SLC9A9: variants seen among roughly 807,000 people sequenced by gnomAD.
SLC9A9 encodes sodium/hydrogen exchanger 9.
Under a neutral mutation model 77.8 loss-of-function variants are expected in SLC9A9, and 62 were observed. The ratio of observed to expected loss-of-function variants is 0.80; its 90% CI spans 0.65 to 0.98. The LOEUF (loss-of-function observed/expected upper bound fraction) is 0.98, where lower values mean the gene tolerates loss of function less well. SLC9A9 is among the 50% of genes least tolerant of loss of function. SLC9A9 has a pLI of 0.00. For missense variants in SLC9A9, 775 were observed against 774.9 expected (o/e 1.00, Z 0.00); for synonymous variants, 320 against 283.5 (o/e 1.13, Z -1.29).
intron 14 of SLC9A9, among the ~76,000 whole-genome samples, chr3:143,298,883 G>T (rs1171525990): frequency 6.6e-6 from 1 of 152,166 alleles, no homozygotes; most frequent in Non-Finnish European, 1.5e-5. Context: ...GAATGTAGGT[G>T]TACAGGCTAT....
At chr3:143,697,479 C>T (rs1019894407) in intron 4 of SLC9A9, among the ~76,000 whole-genome samples, 3 of 151,920 alleles carry the variant, frequency 2.0e-5, no homozygotes, top group Non-Finnish European at 2.9e-5. Context: ...TTACTTAATC[C>T]TCACAATTCT....
chr3:143,463,778 T>C (rs2035236885), intron 12 of SLC9A9, among the ~76,000 whole-genome samples: 1 of 152,170 alleles, frequency 6.6e-6, no homozygotes, highest in Non-Finnish European at 1.5e-5. Flanking sequence ...ATACAACAGC[T>C]CCAGGACAAG....
chr3:143,817,870 G>A (rs540772854), intron 2 of SLC9A9, among the ~76,000 whole-genome samples: 302 of 152,148 alleles, frequency 2.0e-3, no homozygotes, highest in Non-Finnish European at 4.0e-3. Context: ...ATTCACTGAA[G>A]CATTATTTAT....
intron 13 of SLC9A9, among the ~76,000 whole-genome samples, chr3:143,374,253 G>C (rs561140674): frequency 6.6e-6 from 1 of 151,724 alleles, no homozygotes; most frequent in East Asian, 1.9e-4. Flanking sequence ...GTGAAACCCC[G>C]TCTGTACTGA....
At chr3:143,516,946 T>A (rs1424424829) in intron 9 of SLC9A9, among the ~76,000 whole-genome samples, 1 of 152,222 alleles carries the variant, frequency 6.6e-6, no homozygotes, top group Non-Finnish European at 1.5e-5. Context: ...GAAATTTTTT[T>A]CAGTCCTATG....
intron 2 of SLC9A9, among the ~76,000 whole-genome samples, chr3:143,813,036 G>C (rs2008911162): frequency 6.6e-6 from 1 of 152,028 alleles, no homozygotes; most frequent in Non-Finnish European, 1.5e-5. Flanking sequence ...AGAACTTGGT[G>C]GCAGGAAGAA....
At chr3:143,287,782 C>G (rs941293288) in intron 14 of SLC9A9, among the ~76,000 whole-genome samples, 22 of 151,974 alleles carry the variant, frequency 1.4e-4, no homozygotes, top group African/African-American at 5.1e-4. Context: ...TAGGAATGGC[C>G]GGGGTGAAGA....
At chr3:143,467,955 C>T (rs1036691200) in intron 11 of SLC9A9, among the ~76,000 whole-genome samples, 1 of 152,016 alleles carries the variant, frequency 6.6e-6, no homozygotes, top group Non-Finnish European at 1.5e-5. Flanking sequence ...TTTTTTTAAC[C>T]CAGCAAAAGT....
intron 6 of SLC9A9, among the ~76,000 whole-genome samples, chr3:143,606,215 G>A (rs536112153): frequency 6.6e-6 from 1 of 151,840 alleles, no homozygotes; most frequent in Non-Finnish European, 1.5e-5. Context: ...TACCAGCCTG[G>A]CCAACATGGC....
At chr3:143,305,373 G>GTGAT (rs1193602646) in intron 14 of SLC9A9, among the ~76,000 whole-genome samples, 2 of 152,160 alleles carry the variant, frequency 1.3e-5, no homozygotes, top group Non-Finnish European at 2.9e-5. Flanking sequence ...CTCCTTGACA[G>GTGAT]TGATAGAAGG....
Position 143,588,257 on chromosome 3 carries a change from C to T in SLC9A9, c.756-9534G>A, listed in dbSNP as rs1003442640. ...TCCCACCCTGAGGGTCATTGACTTG[C>T]TATCTATTTTCCAATTTCCTCCAGG... On this transcript the variant is annotated intron_variant, in intron 6 of 15. Transcript: ENST00000316549. 4.7e-4 allele frequency among the ~76,000 whole-genome samples: 72 copies of T among 152,118 alleles called. 1 individual carries two copies. The highest frequency in any genetic ancestry group is 4.6e-3 in the Admixed American group (71 of 15,272).
chr3:143,553,075 C>G (rs1559964992), intron 8 of SLC9A9, among the ~76,000 whole-genome samples: 2 of 152,210 alleles, frequency 1.3e-5, no homozygotes, highest in Non-Finnish European at 2.9e-5. Flanking sequence ...CCAAGGCATT[C>G]ACTCCTTGAA....
At chr3:143,622,588 C>A (rs1229388711) in intron 6 of SLC9A9, among the ~76,000 whole-genome samples, 3 of 152,090 alleles carry the variant, frequency 2.0e-5, no homozygotes, top group African/African-American at 7.2e-5. Context: ...CACCACCAGG[C>A]CTGCCCTAAA....
chr3:143,338,955 T>G (rs953313153), intron 14 of SLC9A9, among the ~76,000 whole-genome samples: 2 of 152,234 alleles, frequency 1.3e-5, no homozygotes, highest in African/African-American at 4.8e-5. Flanking sequence ...TTATGTGAAC[T>G]GAAAAATTCT....
intron 12 of SLC9A9, among the ~76,000 whole-genome samples, chr3:143,428,967 T>A (rs375932729): frequency 1.2e-4 from 18 of 151,960 alleles, no homozygotes; most frequent in Non-Finnish European, 1.6e-4. Flanking sequence ...AATGTTAGAG[T>A]TAGGAAGTTT....
At chr3:143,637,283 T>C (rs917191136) in intron 6 of SLC9A9, among the ~76,000 whole-genome samples, 1 of 152,230 alleles carries the variant, frequency 6.6e-6, no homozygotes, top group East Asian at 1.9e-4. Flanking sequence ...GAGATAGATA[T>C]TTAAAGAAAG....
At chr3:143,845,083 C>CT (rs1241380903) in intron 1 of SLC9A9, among the ~76,000 whole-genome samples, 1 of 152,042 alleles carries the variant, frequency 6.6e-6, no homozygotes, top group Non-Finnish European at 1.5e-5. Context: ...CAGACACATC[C>CT]TTTCTCCAGG....
intron 13 of SLC9A9, among the ~76,000 whole-genome samples, chr3:143,372,884 G>A (rs1170903222): frequency 2.6e-5 from 4 of 152,134 alleles, no homozygotes; most frequent in Non-Finnish European, 5.9e-5. Context: ...TCAGGGAAAT[G>A]CAAATTAAAG....
intron 3 of SLC9A9, among the ~76,000 whole-genome samples, chr3:143,795,859 A>G (rs1453656626): frequency 6.6e-6 from 1 of 152,144 alleles, no homozygotes; most frequent in Non-Finnish European, 1.5e-5. Context: ...AGCCTTCTAA[A>G]TTTTTTCAAC....
Sources: gnomAD v4.1 joint callset for allele counts (sites outside exome capture counted in the v4.1 genomes callset) on GRCh38, gnomAD v4.1.1 for gene constraint, MANE v1.5 for transcripts, NCBI Gene and HGNC (gene_info 2026-07-23, HGNC 2026-07-21) for gene names.